The following KCNMA1 variants were observed in gnomAD, a reference collection of about 807,000 sequenced individuals.
KCNMA1 encodes Calcium-activated potassium channel subunit alpha-1.
KCNMA1 carries 29 observed loss-of-function variants against 140.0 expected under a neutral mutation model. That is an observed-to-expected ratio of 0.21 (90% CI 0.15 to 0.28). The LOEUF (loss-of-function observed/expected upper bound fraction) is 0.28. Ranked by LOEUF, KCNMA1 falls within the 10% of genes least tolerant of loss-of-function variation. The pLI is 1.00. For synonymous variants in KCNMA1, 612 were observed against 611.9 expected (o/e 1.00, Z 0.00); for missense variants, 880 against 1,602.2 (o/e 0.55, Z 7.70).
intron 1 of KCNMA1, among the ~76,000 whole-genome samples, chr10:77,522,178 A>AAAATAAATAAAT (rs57838652): frequency 0.12 from 17,504 of 142,714 alleles, 2,068 homozygotes; most frequent in East Asian, 0.45. Context: ...ACTCCATCTC[A>AAAATAAATAAAT]AAATAAATAA....
At chr10:76,951,017 CT>C in intron 21 of KCNMA1, among the ~76,000 whole-genome samples, 1 of 152,288 alleles carries the variant, frequency 6.6e-6, no homozygotes, top group Non-Finnish European at 1.5e-5. Flanking sequence ...CTATAAAGCA[CT>C]GTTATGTGAT....
At chr10:77,345,088 G>C (rs2091884097) in intron 2 of KCNMA1, among the ~76,000 whole-genome samples, 1 of 152,172 alleles carries the variant, frequency 6.6e-6, no homozygotes, top group South Asian at 2.1e-4. Flanking sequence ...TGAAACCAGA[G>C]AGTTTGGCTA....
At chr10:77,541,131 G>A (rs1209707173) in intron 1 of KCNMA1, among the ~76,000 whole-genome samples, 1 of 151,906 alleles carries the variant, frequency 6.6e-6, no homozygotes, top group Non-Finnish European at 1.5e-5. Context: ...GGAAAGAGGA[G>A]CAAAGAAACC....
chr10:77,154,156 C>G (rs1402090102), intron 5 of KCNMA1, among the ~76,000 whole-genome samples: 1 of 151,730 alleles, frequency 6.6e-6, no homozygotes, highest in African/African-American at 2.4e-5. Flanking sequence ...CCTGCTTGAA[C>G]TCACTCTGTC....
At chr10:76,941,085 G>GAAAAAGAAAGAAAGAA (rs1554961127) in intron 23 of KCNMA1, among the ~76,000 whole-genome samples, 1 of 80,054 alleles carries the variant, frequency 1.2e-5, no homozygotes, top group Non-Finnish European at 2.6e-5. Flanking sequence ...AAGAAAGAAA[G>GAAAAAGAAAGAAAGAA]AGAAAGAAAG....
At chr10:77,135,907 T>G (rs765121338) in intron 5 of KCNMA1, among the ~76,000 whole-genome samples, 4 of 152,224 alleles carry the variant, frequency 2.6e-5, no homozygotes, top group Non-Finnish European at 5.9e-5. Flanking sequence ...ACATGGTGAC[T>G]ATAGTTAATA....
At position 77,009,543 on chromosome 10, in the gene KCNMA1, G is replaced by A. The variant is rs531826575; in HGVS notation, c.2092+2424C>T. On this transcript the variant is annotated intron_variant, in intron 18 of 27. Transcript: ENST00000286628. ...GAGAATGCTCTCCATCCAGACACCAGGGACATCTTTTAAACTAAGAACTAA... is the reference window on the plus strand; with the variant it reads ...GAGAATGCTCTCCATCCAGACACCAAGGACATCTTTTAAACTAAGAACTAA... Among the ~76,000 whole-genome samples, 6 of 152,120 alleles carry A rather than the reference G, an allele frequency of 3.9e-5. No homozygotes were observed. The South Asian group carries it at 1.3e-3, about 32-fold the overall frequency.
At position 77,522,968 on chromosome 10, in the gene KCNMA1, G is replaced by C. The variant is rs141360848; in HGVS notation, c.378+114297C>G. Among the ~76,000 whole-genome samples, 6 of 152,230 alleles carry C rather than the reference G, an allele frequency of 3.9e-5. No homozygotes were observed. In the East Asian group the frequency reaches 9.6e-4, roughly 24 times the overall value. On this transcript the variant is annotated intron_variant, in intron 1 of 27. Coordinates refer to ENST00000286628, the MANE Select transcript of KCNMA1 (RefSeq NM_001161352.2). ...TAAATGTAAGTTTGGGTCCCATCAA[G>C]GGGCAGATTCCTCTAAGTGCCAATG...
intron 1 of KCNMA1, among the ~76,000 whole-genome samples, chr10:77,632,994 A>G (rs1165312416): frequency 6.6e-6 from 1 of 152,230 alleles, no homozygotes; most frequent in African/African-American, 2.4e-5. Flanking sequence ...CTGATTGCAG[A>G]GTCTTGTACT....
chr10:76,946,344 C>T (rs950059582), intron 22 of KCNMA1, among the ~76,000 whole-genome samples: 3 of 152,114 alleles, frequency 2.0e-5, no homozygotes, highest in African/African-American at 7.2e-5. Context: ...TGTGTGGTGA[C>T]CTGAGTTACC....
At chr10:77,532,776 AC>A (rs2154553208) in intron 1 of KCNMA1, among the ~76,000 whole-genome samples, 1 of 146,156 alleles carries the variant, frequency 6.8e-6, no homozygotes, top group East Asian at 1.9e-4. Context: ...TTTCAAAGTA[AC>A]CCTGATAGTC....
intron 1 of KCNMA1, among the ~76,000 whole-genome samples, chr10:77,541,859 T>A (rs551023361): frequency 6.6e-6 from 1 of 152,286 alleles, no homozygotes; most frequent in East Asian, 1.9e-4. Context: ...TCCAAAGTGA[T>A]TTTAATGTGC....
chr10:77,173,142 C>T (rs1210882517), intron 5 of KCNMA1, among the ~76,000 whole-genome samples: 1 of 152,130 alleles, frequency 6.6e-6, no homozygotes, highest in Non-Finnish European at 1.5e-5. Context: ...ATGGTAAAAA[C>T]ATGGATTGTT....
intron 1 of KCNMA1, among the ~76,000 whole-genome samples, chr10:77,531,364 C>G (rs754666590): frequency 6.6e-6 from 1 of 152,202 alleles, no homozygotes; most frequent in Non-Finnish European, 1.5e-5. Flanking sequence ...ATAAACAAAG[C>G]TGACAGCCAG....
At chr10:76,969,896 T>A (rs1031509880) in intron 20 of KCNMA1, 78 bp downstream of exon 20, 84 of 1,164,364 alleles carry the variant, frequency 7.2e-5, no homozygotes, top group Admixed American at 2.1e-4. Flanking sequence ...ACTCTGGGCC[T>A]GGCAGGGTGA....
chr10:77,167,110 C>T (rs958113998), intron 5 of KCNMA1, among the ~76,000 whole-genome samples: 1 of 152,124 alleles, frequency 6.6e-6, no homozygotes, highest in Non-Finnish European at 1.5e-5. Context: ...TAATCAACCT[C>T]TCTTCATCCT....
At chr10:77,521,506 ATT>A (rs1263997225) in intron 1 of KCNMA1, among the ~76,000 whole-genome samples, 2 of 152,198 alleles carry the variant, frequency 1.3e-5, no homozygotes, top group African/African-American at 4.8e-5. Context: ...GGGGCAAGTG[ATT>A]TAACTGCCTC....
intron 1 of KCNMA1, among the ~76,000 whole-genome samples, chr10:77,439,125 G>GAGAAGAGAAT: frequency 6.9e-6 from 1 of 145,246 alleles, no homozygotes; most frequent in South Asian, 2.3e-4. Context: ...GAGAAGAGAA[G>GAGAAGAGAAT]AGAAGAGAAG....
intron 5 of KCNMA1, among the ~76,000 whole-genome samples, chr10:77,173,433 TG>T (rs2098725832): frequency 6.6e-6 from 1 of 152,112 alleles, no homozygotes; most frequent in Non-Finnish European, 1.5e-5. Context: ...GGCCCCCAAA[TG>T]ACACCTATTT....
Sources: allele counts gnomAD v4.1 joint callset (sites outside exome capture counted in the v4.1 genomes callset), GRCh38; gene constraint gnomAD v4.1.1; transcripts MANE v1.5; gene names NCBI Gene and HGNC (gene_info 2026-07-23, HGNC 2026-07-21).